The following RBMS3 variants were observed in gnomAD, a reference collection of about 807,000 sequenced individuals.
RBMS3 encodes the protein RNA binding motif single stranded interacting protein 3.
RBMS3 carries 27 observed loss-of-function variants against 66.8 expected under a neutral mutation model. The observed-to-expected ratio is 0.40, with a 90% CI of 0.30 to 0.56. The LOEUF (loss-of-function observed/expected upper bound fraction) is 0.56. Ranked by LOEUF, RBMS3 falls within the 20% of genes least tolerant of loss-of-function variation. RBMS3 has a pLI of 0.40. For missense variants in RBMS3, 513 were observed against 549.5 expected, an observed-to-expected ratio of 0.93 and a Z score of 0.66; for synonymous variants, 188 against 183.0, an observed-to-expected ratio of 1.03 and a Z score of -0.22.
At chr3:29,816,035 A>G (rs947144205) in intron 6 of RBMS3, among the ~76,000 whole-genome samples, 1 of 152,128 alleles carries the variant, frequency 6.6e-6, no homozygotes, top group Non-Finnish European at 1.5e-5. Context: ...TACTTGCCAT[A>G]TCTCAGTAAA....
chr3:29,799,736 T>G (rs766445190), intron 6 of RBMS3, among the ~76,000 whole-genome samples: 1 of 152,184 alleles, frequency 6.6e-6, no homozygotes, highest in African/African-American at 2.4e-5. Flanking sequence ...AAAATGTACA[T>G]TGATGAAAAC....
At chr3:29,665,669 G>A (rs1451897686) in intron 4 of RBMS3, among the ~76,000 whole-genome samples, 1 of 152,028 alleles carries the variant, frequency 6.6e-6, no homozygotes, top group Non-Finnish European at 1.5e-5. Context: ...AACTTACCGA[G>A]AACTCATTTC....
At chr3:29,634,284 G>A (rs2049392554) in intron 4 of RBMS3, among the ~76,000 whole-genome samples, 1 of 151,886 alleles carries the variant, frequency 6.6e-6, no homozygotes, top group Admixed American at 6.6e-5. Context: ...GCAATTGTCT[G>A]TGTTAATATG....
At chr3:29,309,889 T>C (rs1266602984) in intron 1 of RBMS3, among the ~76,000 whole-genome samples, 4 of 151,618 alleles carry the variant, frequency 2.6e-5, no homozygotes, top group Non-Finnish European at 3.0e-5. Context: ...GCATTAGTAG[T>C]GCAGCCAACT....
chr3:29,487,218 A>G (rs2043354235), intron 2 of RBMS3, among the ~76,000 whole-genome samples: 1 of 152,096 alleles, frequency 6.6e-6, no homozygotes, highest in Non-Finnish European at 1.5e-5. Flanking sequence ...TAGAGCTCCA[A>G]AAAGAGTGTT....
rs80125572 is a variant in RBMS3 at position 29,292,881 on chromosome 3, G to T, written c.75+11125G>T. ...ATAAGAGCTGTTTAGCAAGGAAAAG[G>T]TCATTTACAAACAGAAGAAACATGT... On this transcript the variant is annotated intron_variant, in intron 1 of 14. Transcript: ENST00000383767. Among the ~76,000 whole-genome samples, 997 of 151,908 alleles carry T rather than the reference G, an allele frequency of 6.6e-3. 6 individuals carry two copies. Among genetic ancestry groups the T allele is most frequent in the Non-Finnish European group, 0.011 (747 of 67,840 alleles).
intron 3 of RBMS3, among the ~76,000 whole-genome samples, chr3:29,545,523 T>C (rs988534071): frequency 6.6e-6 from 1 of 152,152 alleles, no homozygotes; most frequent in African/African-American, 2.4e-5. Context: ...GTTTTTACCA[T>C]GGGAATTCAC....
At chr3:29,563,873 C>T (rs2046642898) in intron 3 of RBMS3, among the ~76,000 whole-genome samples, 1 of 151,602 alleles carries the variant, frequency 6.6e-6, no homozygotes, top group African/African-American at 2.4e-5. Flanking sequence ...AAAAATTAGC[C>T]AGGTATTGTG....
chr3:29,729,129 C>T (rs1284822803), intron 4 of RBMS3, among the ~76,000 whole-genome samples: 2 of 149,734 alleles, frequency 1.3e-5, no homozygotes, highest in Non-Finnish European at 3.0e-5. Flanking sequence ...GCTATCCCTC[C>T]CCTACCGCCC....
chr3:29,825,041 C>CTT (rs199929851), intron 6 of RBMS3, among the ~76,000 whole-genome samples: 7 of 140,492 alleles, frequency 5.0e-5, no homozygotes, highest in Admixed American at 1.4e-4. Context: ...TATCATCATT[C>CTT]TTTTTTTTTT....
chr3:29,458,433 C>G (rs1295728256), intron 2 of RBMS3, among the ~76,000 whole-genome samples: 1 of 152,096 alleles, frequency 6.6e-6, no homozygotes, highest in African/African-American at 2.4e-5. Flanking sequence ...AGATCACCCC[C>G]TTGGATAACA....
intron 1 of RBMS3, among the ~76,000 whole-genome samples, chr3:29,422,788 G>A (rs2040806002): frequency 6.6e-6 from 1 of 152,048 alleles, no homozygotes; most frequent in Non-Finnish European, 1.5e-5. Flanking sequence ...TTACAATGAA[G>A]CAATTACTTT....
intron 4 of RBMS3, among the ~76,000 whole-genome samples, chr3:29,692,409 G>C (rs1288205981): frequency 1.3e-5 from 2 of 152,088 alleles, no homozygotes; most frequent in African/African-American, 2.4e-5. Context: ...TTTGAGCCCT[G>C]TTTATAATGA....
intron 3 of RBMS3, among the ~76,000 whole-genome samples, chr3:29,559,546 A>AAAAAAAAAAAC (rs2046476476): frequency 7.2e-6 from 1 of 138,176 alleles, no homozygotes; most frequent in Non-Finnish European, 1.5e-5. Flanking sequence ...AAAAAAAAAA[A>AAAAAAAAAAAC]AAAAAAACCT....
chr3:29,668,131 C>T (rs2050840931), intron 4 of RBMS3, among the ~76,000 whole-genome samples: 1 of 152,170 alleles, frequency 6.6e-6, no homozygotes, highest in African/African-American at 2.4e-5. Context: ...ACAAAACACT[C>T]TAGGTATTTC....
intron 14 of RBMS3, among the ~76,000 whole-genome samples, chr3:29,992,716 G>A (rs1225667426): frequency 1.1e-4 from 16 of 152,050 alleles, no homozygotes; most frequent in Non-Finnish European, 1.5e-5. Flanking sequence ...CGAGTGAGGG[G>A]GTCAGTGAGT....
chr3:29,371,992 G>C (rs547565557), intron 1 of RBMS3, among the ~76,000 whole-genome samples: 1 of 152,022 alleles, frequency 6.6e-6, no homozygotes, highest in African/African-American at 2.4e-5. Context: ...CTGTTTGATG[G>C]GAGAGATTCA....
intron 2 of RBMS3, among the ~76,000 whole-genome samples, chr3:29,463,532 A>T (rs965055478): frequency 3.3e-5 from 5 of 151,602 alleles, no homozygotes; most frequent in Admixed American, 2.0e-4. Flanking sequence ...AGCAACGATT[A>T]CTCATGGTCC....
At chr3:29,999,218 A>G (rs987065465) in intron 14 of RBMS3, among the ~76,000 whole-genome samples, 2 of 152,238 alleles carry the variant, frequency 1.3e-5, no homozygotes, top group Non-Finnish European at 2.9e-5. Context: ...ATGAGATATC[A>G]TGTTACACCA....
Sources: allele counts gnomAD v4.1 joint callset (sites outside exome capture counted in the v4.1 genomes callset), GRCh38; gene constraint gnomAD v4.1.1; transcripts MANE v1.5; gene names NCBI Gene and HGNC (gene_info 2026-07-23, HGNC 2026-07-21).